Variants in CDH18 observed in about 807,000 individuals in gnomAD.
CDH18 encodes cadherin 18, also known as cadherin-18.
CDH18 carries 31 observed loss-of-function variants against 67.9 expected under a neutral mutation model. The ratio of observed to expected loss-of-function variants is 0.46; its 90% confidence interval spans 0.34 to 0.62. The LOEUF is 0.62. Among genes scored for constraint, CDH18 ranks in the 20% least tolerant of loss-of-function variants. The probability of loss-of-function intolerance (pLI) is 0.01; values close to 1 mark genes in which losing one functional copy is unlikely to be tolerated. For synonymous variants in CDH18, 362 were observed against 347.2 expected (o/e 1.04, Z -0.48); for missense variants, 890 against 975.5 (o/e 0.91, Z 1.17).
chr5:19,659,034 C>A (rs2028936), intron 5 of CDH18, among the ~76,000 whole-genome samples: 7,836 of 152,170 alleles, frequency 0.051, 643 homozygotes, highest in African/African-American at 0.18. Context: ...TCATTCTCAG[C>A]AAACTATCAC....
At chr5:20,060,569 C>T (rs377638750) in intron 2 of CDH18, among the ~76,000 whole-genome samples, 1 of 152,028 alleles carries the variant, frequency 6.6e-6, no homozygotes, top group Non-Finnish European at 1.5e-5. Context: ...ATTTTTCACA[C>T]TAACTTTGAA....
chr5:19,868,416 C>G (rs898013472), intron 2 of CDH18, among the ~76,000 whole-genome samples: 17 of 152,102 alleles, frequency 1.1e-4, no homozygotes, highest in Non-Finnish European at 2.5e-4. Flanking sequence ...CTATAAAAAT[C>G]TGTCATTCTC....
rs557909477 is a variant in CDH18, at chr5:20,389,572, T to G, written c.-579-134067A>C. 4.3e-4 allele frequency among the ~76,000 whole-genome samples: 65 copies of G among 152,160 alleles called. 1 individual carries two copies. The South Asian group carries it at 0.013, about 30-fold the overall frequency. Reference sequence around the variant, plus strand: ...AAATGGCCATACTGCCCAAGGTAATTTATAGATTCAATGCCATCCCCATCA... The same window carrying G: ...AAATGGCCATACTGCCCAAGGTAATGTATAGATTCAATGCCATCCCCATCA... On this transcript the variant is annotated intron_variant, in intron 1 of 14. Coordinates refer to the CDH18 transcript ENST00000507958.
intron 1 of CDH18, among the ~76,000 whole-genome samples, chr5:20,485,717 T>C (rs1753124304): frequency 6.6e-6 from 1 of 152,146 alleles, no homozygotes; most frequent in African/African-American, 2.4e-5. Flanking sequence ...AAAAGTGTTT[T>C]GCTTCCTCTA....
chr5:19,940,135 A>G (rs1470738619), intron 2 of CDH18, among the ~76,000 whole-genome samples: 1 of 151,816 alleles, frequency 6.6e-6, no homozygotes, highest in Non-Finnish European at 1.5e-5. Context: ...TACCTCAAAA[A>G]AGAAAGCCTC....
At chr5:19,699,557 A>C (rs1050988504) in intron 5 of CDH18, among the ~76,000 whole-genome samples, 20 of 151,790 alleles carry the variant, frequency 1.3e-4, no homozygotes, top group African/African-American at 4.6e-4. Context: ...GAATGGGATC[A>C]GTTCTCTTAT....
intron 2 of CDH18, among the ~76,000 whole-genome samples, chr5:20,014,358 T>C (rs1023501869): frequency 2.6e-5 from 4 of 152,042 alleles, no homozygotes; most frequent in African/African-American, 9.7e-5. Flanking sequence ...TGGGATAAAG[T>C]CAGGATGAGA....
intron 5 of CDH18, among the ~76,000 whole-genome samples, chr5:19,677,449 C>T (rs1244410004): frequency 1.3e-5 from 2 of 151,842 alleles, no homozygotes; most frequent in Non-Finnish European, 2.9e-5. Context: ...TACTGGTCGC[C>T]ACAAAAACAC....
At chr5:20,044,928 G>A (rs573224773) in intron 2 of CDH18, among the ~76,000 whole-genome samples, 1 of 151,916 alleles carries the variant, frequency 6.6e-6, no homozygotes, top group Non-Finnish European at 1.5e-5. Context: ...AAAATGTGAG[G>A]CAAATAAAGT....
At chr5:19,659,932 A>G (rs1255024172) in intron 5 of CDH18, among the ~76,000 whole-genome samples, 2 of 152,098 alleles carry the variant, frequency 1.3e-5, no homozygotes, top group African/African-American at 4.8e-5. Context: ...TTCTTTAGCA[A>G]ATTTATAAAT....
intron 8 of CDH18, among the ~76,000 whole-genome samples, chr5:19,564,808 G>T (rs1740070145): frequency 6.6e-6 from 1 of 152,088 alleles, no homozygotes; most frequent in Admixed American, 6.5e-5. Context: ...TTCTAAACCT[G>T]CCCTGGGCTA....
At chr5:19,913,900 T>A (rs780159506) in intron 2 of CDH18, among the ~76,000 whole-genome samples, 9 of 151,966 alleles carry the variant, frequency 5.9e-5, no homozygotes, top group Non-Finnish European at 1.2e-4. Context: ...GGATGAGAAA[T>A]AAAGCAAAAC....
intron 11 of CDH18, among the ~76,000 whole-genome samples, chr5:19,489,773 C>G (rs1278732352): frequency 6.6e-6 from 1 of 152,032 alleles, no homozygotes; most frequent in African/African-American, 2.4e-5. Flanking sequence ...AAAATAAGCA[C>G]AAATACACAT....
At chr5:20,379,568 C>T (rs939136684) in intron 1 of CDH18, among the ~76,000 whole-genome samples, 2 of 151,832 alleles carry the variant, frequency 1.3e-5, no homozygotes, top group African/African-American at 4.8e-5. Flanking sequence ...ATTATATCTA[C>T]ATGAGTAGAT....
intron 1 of CDH18, among the ~76,000 whole-genome samples, chr5:20,372,862 T>C (rs1213755763): frequency 6.6e-6 from 1 of 152,172 alleles, no homozygotes; most frequent in Admixed American, 6.5e-5. Flanking sequence ...TTGGATATTT[T>C]GTCTGAAATT....
chr5:20,308,950 A>G (rs1029089980), intron 1 of CDH18, among the ~76,000 whole-genome samples: 1 of 152,236 alleles, frequency 6.6e-6, no homozygotes, highest in African/African-American at 2.4e-5. Context: ...ATTTTCGTAC[A>G]TTAGAGCACT....
intron 2 of CDH18, among the ~76,000 whole-genome samples, chr5:19,949,198 G>A (rs556969299): frequency 2.6e-5 from 4 of 152,204 alleles, no homozygotes; most frequent in South Asian, 2.1e-4. Flanking sequence ...AAAAGACTCC[G>A]AAATGGGTTT....
At chr5:20,534,803 ACT>A (rs1348950186) in intron 1 of CDH18, among the ~76,000 whole-genome samples, 4 of 149,826 alleles carry the variant, frequency 2.7e-5, no homozygotes, top group African/African-American at 9.9e-5. Flanking sequence ...TGACTTCTGA[ACT>A]CTGTTAGTTT....
intron 1 of CDH18, among the ~76,000 whole-genome samples, chr5:20,271,090 G>A (rs1489706354): frequency 6.6e-6 from 1 of 151,952 alleles, no homozygotes; most frequent in Non-Finnish European, 1.5e-5. Context: ...CCATGACACA[G>A]TTTGCCTATA....
Sources: allele counts gnomAD v4.1 joint callset (sites outside exome capture counted in the v4.1 genomes callset), GRCh38; gene constraint gnomAD v4.1.1; transcripts MANE v1.5; gene names NCBI Gene and HGNC (gene_info 2026-07-23, HGNC 2026-07-21).